TRPM3: variants seen among roughly 807,000 people sequenced by gnomAD.
TRPM3 encodes the protein transient receptor potential cation channel subfamily M member 3.
In TRPM3, 77 loss-of-function variants were observed where a neutral mutation model predicts 181.2. That is an observed-to-expected ratio of 0.42 (90% CI 0.35 to 0.51). TRPM3 has a LOEUF of 0.51. TRPM3 is among the 20% of genes least tolerant of loss of function. The probability of loss-of-function intolerance (pLI) is 0.01; values close to 1 mark genes in which losing one functional copy is unlikely to be tolerated. For synonymous variants in TRPM3, 745 were observed against 796.4 expected, an observed-to-expected ratio of 0.94 and a Z score of 1.09; for missense variants, 1,759 against 2,196.7, an observed-to-expected ratio of 0.80 and a Z score of 3.98.
Position 70,836,311 on chromosome 9 carries a change from T to TC in TRPM3, c.801+6691dup, listed in dbSNP as rs541503480. Among the ~76,000 whole-genome samples the TC allele has an allele frequency of 2.8e-4, 42 of 151,956 alleles. No individual in the cohort carries two copies. In the Middle Eastern group the frequency reaches 0.017, roughly 62 times the overall value. On this transcript the variant is annotated intron_variant, in intron 5 of 25. Coordinates refer to ENST00000677713, the MANE Select transcript of TRPM3 (RefSeq NM_001366145.2). ...ATCAGCACATAAACAAACTCCAGTC[T>TC]CCCCCCATCTTAAAGGAAAAATTCC...
At chr9:71,008,992 T>C (rs1329329040) in intron 1 of TRPM3, among the ~76,000 whole-genome samples, 1 of 152,250 alleles carries the variant, frequency 6.6e-6, no homozygotes, top group Non-Finnish European at 1.5e-5. Context: ...AATAGAATTG[T>C]TTTTATTGGA....
intron 22 of TRPM3, among the ~76,000 whole-genome samples, chr9:70,559,996 G>T (rs1047160164): frequency 6.6e-6 from 1 of 152,156 alleles, no homozygotes; most frequent in African/African-American, 2.4e-5. Context: ...GAAAATCCTG[G>T]TCCTAGTTTT....
intron 10 of TRPM3, 28 bp downstream of exon 10, chr9:70,640,532 T>G: frequency 6.3e-7 from 1 of 1,599,890 alleles, no homozygotes; most frequent in Non-Finnish European, 8.5e-7. Context: ...CAAAGTGGGC[T>G]TTTCATGGGA....
chr9:71,387,488 G>A (rs779275506), intron 1 of TRPM3, among the ~76,000 whole-genome samples: 10 of 152,260 alleles, frequency 6.6e-5, no homozygotes, highest in Non-Finnish European at 1.2e-4. Context: ...AACTGCCTAT[G>A]AAGAGATTTC....
At chr9:70,635,520 C>A (rs748259270) in intron 11 of TRPM3, among the ~76,000 whole-genome samples, 5 of 139,694 alleles carry the variant, frequency 3.6e-5, no homozygotes, top group African/African-American at 5.3e-5. Context: ...TGGAGTGCAA[C>A]GGCATAATCA....
At chr9:71,077,220 C>T (rs989023562) in intron 1 of TRPM3, among the ~76,000 whole-genome samples, 15 of 152,146 alleles carry the variant, frequency 9.9e-5, no homozygotes, top group African/African-American at 2.9e-4. Context: ...CCCAGGAATC[C>T]AGGAATCTAC....
At chr9:70,669,399 G>C (rs1294739616) in intron 9 of TRPM3, among the ~76,000 whole-genome samples, 1 of 152,152 alleles carries the variant, frequency 6.6e-6, no homozygotes, top group Non-Finnish European at 1.5e-5. Context: ...AAGTCTACAT[G>C]TTACAGCTTT....
intron 1 of TRPM3, among the ~76,000 whole-genome samples, chr9:71,318,026 G>A (rs1193449071): frequency 2.0e-5 from 3 of 152,162 alleles, no homozygotes; most frequent in Non-Finnish European, 2.9e-5. Flanking sequence ...AAGGCAAGAG[G>A]ATTGCTTAAG....
At chr9:71,063,226 T>TTAA (rs932215738) in intron 1 of TRPM3, among the ~76,000 whole-genome samples, 57 of 152,268 alleles carry the variant, frequency 3.7e-4, no homozygotes, top group African/African-American at 1.4e-3. Flanking sequence ...CACAAAGCTC[T>TTAA]TAAACCTGAC....
chr9:70,938,750 A>G (rs1406727812), intron 1 of TRPM3, among the ~76,000 whole-genome samples: 2 of 152,018 alleles, frequency 1.3e-5, no homozygotes, highest in Non-Finnish European at 2.9e-5. Context: ...CAAGAGATCG[A>G]GACCATCCTG....
At chr9:70,773,077 C>T (rs1367736777) in intron 7 of TRPM3, among the ~76,000 whole-genome samples, 2 of 152,288 alleles carry the variant, frequency 1.3e-5, no homozygotes, top group East Asian at 3.9e-4. Context: ...ATTGGTGCAA[C>T]ACTTACTCAC....
intron 3 of TRPM3, among the ~76,000 whole-genome samples, chr9:70,850,039 G>C (rs2095162009): frequency 6.6e-6 from 1 of 152,186 alleles, no homozygotes; most frequent in South Asian, 2.1e-4. Context: ...ATATATGCCA[G>C]AAATCCAAAG....
intron 1 of TRPM3, among the ~76,000 whole-genome samples, chr9:71,169,729 C>T (rs545742423): frequency 3.3e-5 from 5 of 151,898 alleles, no homozygotes; most frequent in Admixed American, 6.6e-5. Context: ...CTGAGGTGGG[C>T]GGATCACCTG....
At chr9:71,373,097 CAG>C (rs1188611225) in intron 1 of TRPM3, among the ~76,000 whole-genome samples, 3 of 152,164 alleles carry the variant, frequency 2.0e-5, no homozygotes, top group East Asian at 1.9e-4. Flanking sequence ...CACAATGTAC[CAG>C]AGTCTCCGGG....
chr9:70,547,898 T>G, intron 25 of TRPM3, among the ~76,000 whole-genome samples: 1 of 152,212 alleles, frequency 6.6e-6, no homozygotes, highest in East Asian at 1.9e-4. Context: ...TACTATAGTT[T>G]CTTTTTGTTT....
chr9:70,661,193 G>T (rs1280741551), intron 9 of TRPM3, among the ~76,000 whole-genome samples: 1 of 151,976 alleles, frequency 6.6e-6, no homozygotes, highest in Non-Finnish European at 1.5e-5. Flanking sequence ...AAAACCATAT[G>T]ATCATCTCAA....
chr9:71,012,782 T>C (rs1590633035), intron 1 of TRPM3, among the ~76,000 whole-genome samples: 1 of 152,072 alleles, frequency 6.6e-6, no homozygotes. Context: ...ATGGTTTGTG[T>C]TGGCTTCTTT....
At chr9:71,149,835 G>C (rs769415219) in intron 1 of TRPM3, among the ~76,000 whole-genome samples, 1 of 151,622 alleles carries the variant, frequency 6.6e-6, no homozygotes, top group Non-Finnish European at 1.5e-5. Context: ...GTGGTGGCAC[G>C]CACCTGTGGT....
At chr9:70,595,835 C>T (rs1277678635) in intron 21 of TRPM3, among the ~76,000 whole-genome samples, 1 of 152,166 alleles carries the variant, frequency 6.6e-6, no homozygotes, top group African/African-American at 2.4e-5. Context: ...GAGTAAGATA[C>T]ACATTTTTTT....
Sources: allele counts gnomAD v4.1 joint callset (sites outside exome capture counted in the v4.1 genomes callset), GRCh38; gene constraint gnomAD v4.1.1; transcripts MANE v1.5; gene names NCBI Gene and HGNC (gene_info 2026-07-23, HGNC 2026-07-21).